Variants in LRRFIP2 observed in about 807,000 individuals in gnomAD.
LRRFIP2 encodes LRR binding FLII interacting protein 2, also known as leucine-rich repeat flightless-interacting protein 2.
Under a neutral mutation model 125.9 loss-of-function variants are expected in LRRFIP2, and 109 were observed. That is an observed-to-expected ratio of 0.87 (90% CI 0.74 to 1.01). LRRFIP2 has a LOEUF of 1.01. Among genes scored for constraint, LRRFIP2 ranks in the 50% least tolerant of loss-of-function variants. LRRFIP2 has a pLI of 0.00. For missense variants in LRRFIP2, 850 were observed against 862.3 expected (o/e 0.99, Z 0.18); for synonymous variants, 291 against 293.1 (o/e 0.99, Z 0.07).
chr3:37,082,476 A>C (rs564055399), intron 19 of LRRFIP2, among the ~76,000 whole-genome samples: 2 of 152,218 alleles, frequency 1.3e-5, no homozygotes, highest in Admixed American at 1.3e-4. Flanking sequence ...AACAACCCAC[A>C]ATAGAGTGGT....
chr3:37,156,318 A>G (rs1482808814), intron 1 of LRRFIP2, among the ~76,000 whole-genome samples: 2 of 151,854 alleles, frequency 1.3e-5, no homozygotes, highest in Non-Finnish European at 2.9e-5. Context: ...TATCTTTAAA[A>G]AAAATTTTTT....
At chr3:37,127,701 T>TAG (rs1453780609) in intron 3 of LRRFIP2, 21 bp from the exon 4 acceptor site, 1 of 1,598,056 alleles carries the variant, frequency 6.3e-7, no homozygotes, top group Admixed American at 1.7e-5. Context: ...AAAAATTTCA[T>TAG]AAACCAAATA....
chr3:37,066,141 C>T, intron 22 of LRRFIP2, 83 bp downstream of exon 22: 1 of 1,398,666 alleles, frequency 7.1e-7, no homozygotes, highest in Non-Finnish European at 1.0e-6. Context: ...TGTATTTAGG[C>T]TAGGAAAGAT....
intron 25 of LRRFIP2, among the ~76,000 whole-genome samples, chr3:37,055,559 C>T (rs532381214): frequency 1.3e-5 from 2 of 152,242 alleles, no homozygotes; most frequent in South Asian, 2.1e-4. Flanking sequence ...AGCGATACTC[C>T]GTCCCCCTGC....
intron 3 of LRRFIP2, 21 bp from the exon 4 acceptor site, chr3:37,127,701 TA>T: frequency 2.5e-6 from 4 of 1,598,056 alleles, no homozygotes; most frequent in Non-Finnish European, 3.4e-6. Flanking sequence ...AAAAATTTCA[TA>T]AACCAAATAG....
chr3:37,097,752 T>C (rs2093799454), intron 15 of LRRFIP2, among the ~76,000 whole-genome samples: 1 of 152,160 alleles, frequency 6.6e-6, no homozygotes, highest in Non-Finnish European at 1.5e-5. Flanking sequence ...GTTTTATAGC[T>C]AAGGAAAAAG....
At chr3:37,100,991 T>C (rs2094006611) in intron 15 of LRRFIP2, among the ~76,000 whole-genome samples, 1 of 152,188 alleles carries the variant, frequency 6.6e-6, no homozygotes, top group African/African-American at 2.4e-5. Flanking sequence ...GAAATAGTTA[T>C]TTAAATACGA....
intron 19 of LRRFIP2, among the ~76,000 whole-genome samples, chr3:37,083,257 G>T (rs1332420551): frequency 6.6e-6 from 1 of 152,084 alleles, no homozygotes; most frequent in African/African-American, 2.4e-5. Context: ...CCGTTCAGAA[G>T]TTCATAGAAA....
intron 9 of LRRFIP2, 24 bp from the exon 10 acceptor site, chr3:37,109,727 T>C (rs764857936): frequency 3.7e-6 from 6 of 1,610,124 alleles, no homozygotes; most frequent in Non-Finnish European, 5.1e-6. Context: ...ACAAAATAAA[T>C]AAGCAAAAAC....
At chr3:37,167,886 G>C (rs1245498798) in intron 1 of LRRFIP2, among the ~76,000 whole-genome samples, 1 of 152,136 alleles carries the variant, frequency 6.6e-6, no homozygotes. Context: ...GAGGTGGGAA[G>C]GAACACTTAA....
chr3:37,123,650 A>G (rs1303557907), intron 4 of LRRFIP2, among the ~76,000 whole-genome samples: 1 of 152,160 alleles, frequency 6.6e-6, no homozygotes. Context: ...TAGGCTACTT[A>G]GTTTGGTTAG....
rs2094139580 is a variant in LRRFIP2 at position 37,102,905 on chromosome 3, C to A, written c.873+19G>T. ...AAGCCTGGGACAACATAACCAACCA[C>A]CCCATGCAATACACTCACGCTGGAC... On this transcript the variant is annotated intron_variant, in intron 15 of 27. Coordinates refer to ENST00000336686, the MANE Select transcript of LRRFIP2 (RefSeq NM_006309.4). 1.3e-6 allele frequency: 2 copies of A among 1,517,836 alleles called. No homozygotes were observed. The highest frequency in any genetic ancestry group is 1.8e-6 in the Non-Finnish European group (2 of 1,119,498). The allele number at this position is 1,517,836 out of a possible 1,614,324, so 94.0% of individuals were successfully genotyped here. A position where few individuals can be genotyped will look rare whatever the true frequency, so the allele number is the denominator to read the frequency against.
At chr3:37,098,830 C>T (rs2093870501) in intron 15 of LRRFIP2, among the ~76,000 whole-genome samples, 1 of 152,086 alleles carries the variant, frequency 6.6e-6, no homozygotes, top group Non-Finnish European at 1.5e-5. Context: ...GAATAAACTG[C>T]CTTATCTTCC....
intron 1 of LRRFIP2, among the ~76,000 whole-genome samples, chr3:37,161,284 G>A (rs1394537215): frequency 1.3e-5 from 2 of 151,636 alleles, no homozygotes; most frequent in Middle Eastern, 3.2e-3. Flanking sequence ...GAACCCAGGA[G>A]GCAGAGGTTA....
intron 6 of LRRFIP2, among the ~76,000 whole-genome samples, chr3:37,118,274 GC>G (rs1291526018): frequency 6.6e-6 from 1 of 152,034 alleles, no homozygotes; most frequent in African/African-American, 2.4e-5. Flanking sequence ...TCACTACTTT[GC>G]CCAGGCTGAT....
chr3:37,117,540 C>T (rs2094846020), intron 6 of LRRFIP2, among the ~76,000 whole-genome samples: 1 of 151,768 alleles, frequency 6.6e-6, no homozygotes, highest in Non-Finnish European at 1.5e-5. Context: ...ATAGTAAGGG[C>T]TCATTTCCAA....
Position 37,111,148 on chromosome 3 carries a change from A to C in LRRFIP2, c.439-83T>G. 2.8e-6 allele frequency: 3 copies of C among 1,064,312 alleles called. No homozygotes were observed. In the South Asian group the frequency reaches 4.2e-5, roughly 15 times the overall value. 65.9% of individuals were successfully genotyped at this position (1,064,312 alleles called of 1,614,324 possible). On this transcript the variant is annotated intron_variant, in intron 8 of 27. Transcript: ENST00000336686. ...CACACAAAGGCAAAACTGAACACAA[A>C]AAGGCAAAATATGATATTGCCAAAT...
At chr3:37,069,120 A>G (rs948058557) in intron 21 of LRRFIP2, among the ~76,000 whole-genome samples, 2 of 152,188 alleles carry the variant, frequency 1.3e-5, no homozygotes, top group African/African-American at 2.4e-5. Context: ...AGAAATTGGA[A>G]CCCTTGTTCA....
chr3:37,098,397 C>T (rs9817219), intron 15 of LRRFIP2, among the ~76,000 whole-genome samples: 52,215 of 144,926 alleles, frequency 0.36, 10,268 homozygotes, highest in Non-Finnish European at 0.46. Context: ...TCTTTTTTTT[C>T]TTTTTTTTGA....
Sources: gnomAD v4.1 joint callset for allele counts (sites outside exome capture counted in the v4.1 genomes callset) on GRCh38, gnomAD v4.1.1 for gene constraint, MANE v1.5 for transcripts, NCBI Gene and HGNC (gene_info 2026-07-23, HGNC 2026-07-21) for gene names.